The following EMB variants were observed in gnomAD, a reference collection of about 807,000 sequenced individuals.
The protein encoded by EMB is embigin homolog.
EMB carries 31 observed loss-of-function variants against 41.4 expected under a neutral mutation model. The ratio of observed to expected loss-of-function variants is 0.75; its 90% CI spans 0.56 to 1.01. The LOEUF (loss-of-function observed/expected upper bound fraction) is 1.01, where lower values mean the gene tolerates loss of function less well. EMB is among the 50% of genes least tolerant of loss of function. EMB has a pLI of 0.00. For missense variants in EMB, 379 were observed against 388.3 expected (o/e 0.98, Z 0.20); for synonymous variants, 137 against 140.4 (o/e 0.98, Z 0.17).
At position 50,405,878 on chromosome 5, in the gene EMB, G is replaced by A. The variant is rs200172289; in HGVS notation, c.473-26C>T. 1,186 of 1,561,852 alleles carry A rather than the reference G, an allele frequency of 7.6e-4. 2 individuals carry two copies. Among genetic ancestry groups the A allele is most frequent in the Middle Eastern group, 8.6e-4 (5 of 5,786 alleles). ...CTGAGAATAAAATAGAGAAATGTAT[G>A]TTACTGAAAGAGTTTAGGTAAAGGA... On this transcript the variant is annotated intron_variant, in intron 4 of 8. Coordinates refer to ENST00000303221, the MANE Select transcript of EMB (RefSeq NM_198449.3).
In EMB at chr5:50,416,780, A is replaced by T. The variant is rs1041805122; in HGVS notation, c.197-5397T>A. Among the ~76,000 whole-genome samples, 14 of 152,146 alleles carry T rather than the reference A, an allele frequency of 9.2e-5. 1 individual carries two copies. Among genetic ancestry groups the T allele is most frequent in the African/African-American group, 3.4e-4 (14 of 41,424 alleles). Reference sequence around the variant, plus strand: ...GACAGAAACAAGGAAGAGGCAACGAAAGATCCTCTCCGTAAGACACACCCA... The same window carrying T: ...GACAGAAACAAGGAAGAGGCAACGATAGATCCTCTCCGTAAGACACACCCA... On this transcript the variant is annotated intron_variant, in intron 2 of 8. Coordinates refer to ENST00000303221, the MANE Select transcript of EMB (RefSeq NM_198449.3).
At chr5:50,437,905 T>A (rs1745831604) in intron 1 of EMB, among the ~76,000 whole-genome samples, 1 of 152,204 alleles carries the variant, frequency 6.6e-6, no homozygotes, top group Non-Finnish European at 1.5e-5. Flanking sequence ...GTAATAATAA[T>A]GATATTTAAA....
At chr5:50,413,349 A>G (rs1745375491) in intron 2 of EMB, among the ~76,000 whole-genome samples, 1 of 152,124 alleles carries the variant, frequency 6.6e-6, no homozygotes, top group African/African-American at 2.4e-5. Context: ...TCAAAAACAG[A>G]ATTATGTCTC....
intron 1 of EMB, among the ~76,000 whole-genome samples, chr5:50,429,968 T>TTC (rs780667856): frequency 0.1 from 6,311 of 61,174 alleles, 324 homozygotes; most frequent in African/African-American, 0.28. Context: ...CCAACTCTCT[T>TTC]TCTCTCTCTC....
intron 5 of EMB, among the ~76,000 whole-genome samples, chr5:50,405,094 GA>G (rs933751876): frequency 2.6e-5 from 4 of 151,854 alleles, no homozygotes; most frequent in Admixed American, 6.6e-5. Context: ...TTGGGGAGAA[GA>G]AAGGAAACCA....
chr5:50,423,224 C>T (rs1251558183), intron 2 of EMB, among the ~76,000 whole-genome samples: 1 of 151,612 alleles, frequency 6.6e-6, no homozygotes, highest in Non-Finnish European at 1.5e-5. Context: ...AGAAAACAAA[C>T]AATACTAGTT....
chr5:50,407,436 G>A (rs1745266745), intron 4 of EMB, among the ~76,000 whole-genome samples: 1 of 151,962 alleles, frequency 6.6e-6, no homozygotes, highest in Non-Finnish European at 1.5e-5. Flanking sequence ...TAAATATTAA[G>A]ATCAGGCTGT....
At chr5:50,403,083 T>C in intron 6 of EMB, 95 bp downstream of exon 6, 11 of 1,166,070 alleles carry the variant, frequency 9.4e-6, no homozygotes, top group Non-Finnish European at 1.3e-5. Context: ...CATTGCAATG[T>C]ATCAAATCAT....
At chr5:50,434,020 A>C (rs186517034) in intron 1 of EMB, among the ~76,000 whole-genome samples, 16 of 152,266 alleles carry the variant, frequency 1.1e-4, no homozygotes, top group African/African-American at 3.1e-4. Flanking sequence ...TTTTTTATAA[A>C]GACCAGTCAT....
intron 1 of EMB, among the ~76,000 whole-genome samples, chr5:50,437,131 T>C (rs1273100870): frequency 6.6e-6 from 1 of 151,646 alleles, no homozygotes; most frequent in Non-Finnish European, 1.5e-5. Flanking sequence ...ATTAGCCGGG[T>C]GTGGTGGCAT....
At chr5:50,405,075 A>G (rs1416951393) in intron 5 of EMB, among the ~76,000 whole-genome samples, 1 of 151,926 alleles carries the variant, frequency 6.6e-6, no homozygotes, top group Admixed American at 6.6e-5. Context: ...TCCTGCCATT[A>G]GAGGCTATTT....
At chr5:50,427,793 C>A (rs1745644381) in intron 2 of EMB, among the ~76,000 whole-genome samples, 1 of 152,202 alleles carries the variant, frequency 6.6e-6, no homozygotes, top group Non-Finnish European at 1.5e-5. Flanking sequence ...GGTTTTCCAA[C>A]AGATACACAA....
intron 2 of EMB, among the ~76,000 whole-genome samples, chr5:50,421,198 A>C (rs1745516328): frequency 1.3e-5 from 2 of 152,190 alleles, no homozygotes; most frequent in South Asian, 4.1e-4. Flanking sequence ...TACAGAACCC[A>C]ATTTTAAGAA....
At chr5:50,399,948 C>A in intron 7 of EMB, 35 bp from the exon 8 acceptor site, 1 of 1,477,754 alleles carries the variant, frequency 6.8e-7, no homozygotes, top group Non-Finnish European at 9.3e-7. Flanking sequence ...TTACTAAATG[C>A]TTATATTATA....
chr5:50,415,570 T>G (rs1013721713), intron 2 of EMB, among the ~76,000 whole-genome samples: 4 of 152,182 alleles, frequency 2.6e-5, no homozygotes, highest in Admixed American at 2.0e-4. Flanking sequence ...ATATGTTGAT[T>G]AAATAATTTA....
intron 2 of EMB, among the ~76,000 whole-genome samples, chr5:50,416,989 G>C (rs1023452573): frequency 6.6e-6 from 1 of 152,118 alleles, no homozygotes; most frequent in Non-Finnish European, 1.5e-5. Flanking sequence ...TGCTACTCTT[G>C]ACACACTGCC....
At chr5:50,399,429 T>C in intron 8 of EMB, 139 bp from the exon 9 acceptor site, 1 of 1,263,414 alleles carries the variant, frequency 7.9e-7, no homozygotes. Flanking sequence ...CCTACTCTAA[T>C]GTTGATGAAC....
At chr5:50,436,989 G>C (rs1361627459) in intron 1 of EMB, among the ~76,000 whole-genome samples, 5 of 152,168 alleles carry the variant, frequency 3.3e-5, no homozygotes, top group Non-Finnish European at 5.9e-5. Flanking sequence ...AGTAGGCTTA[G>C]GCTGGGCACC....
chr5:50,428,469 T>C (rs763294572), intron 1 of EMB: 8 of 1,132,410 alleles, frequency 7.1e-6, no homozygotes, highest in Middle Eastern at 3.8e-4. Context: ...ATCAGATGGC[T>C]TTTTTTAAAT....
Sources: gnomAD v4.1 joint callset for allele counts (sites outside exome capture counted in the v4.1 genomes callset) on GRCh38, gnomAD v4.1.1 for gene constraint, MANE v1.5 for transcripts, NCBI Gene and HGNC (gene_info 2026-07-23, HGNC 2026-07-21) for gene names.